Variants in ZP4 observed in about 807,000 individuals in gnomAD.
The protein encoded by ZP4 is zona pellucida glycoprotein 4, also known as zona pellucida sperm-binding protein 4.
ZP4 carries 62 observed loss-of-function variants against 62.3 expected under a neutral mutation model. That is an observed-to-expected ratio of 0.99 (90% CI 0.81 to 1.23). The LOEUF (loss-of-function observed/expected upper bound fraction) is 1.23, where lower values mean the gene tolerates loss of function less well. Ranked by LOEUF, ZP4 falls within the 50% of genes most tolerant of loss-of-function variation. The pLI is 0.00. For missense variants in ZP4, 774 were observed against 656.0 expected, an observed-to-expected ratio of 1.18 and a Z score of -1.97; for synonymous variants, 289 against 247.3, an observed-to-expected ratio of 1.17 and a Z score of -1.58.
chr1:237,884,293 C>T (rs1665043177), intron 10 of ZP4, among the ~76,000 whole-genome samples: 1 of 152,122 alleles, frequency 6.6e-6, no homozygotes, highest in Non-Finnish European at 1.5e-5. Context: ...TGAATCCAAA[C>T]TCAGAGGCTA....
chr1:237,886,295 A>T (rs1168307293), intron 6 of ZP4, among the ~76,000 whole-genome samples: 1 of 152,156 alleles, frequency 6.6e-6, no homozygotes, highest in Non-Finnish European at 1.5e-5. Context: ...ATCGGGGAAT[A>T]GTGAGTAAGG....
intron 10 of ZP4, 100 bp from the exon 11 acceptor site, chr1:237,882,946 G>T: frequency 1.1e-6 from 1 of 939,102 alleles, no homozygotes. Flanking sequence ...TATAAAGCTT[G>T]GTTCTATGCC....
At chr1:237,888,737 A>G (rs546365748) in intron 3 of ZP4, among the ~76,000 whole-genome samples, 4 of 152,184 alleles carry the variant, frequency 2.6e-5, no homozygotes, top group Admixed American at 2.6e-4. Flanking sequence ...TTAGTTTTTT[A>G]AAAACAAGAA....
chr1:237,883,342 T>G (rs1038976556), intron 10 of ZP4, among the ~76,000 whole-genome samples: 2 of 151,734 alleles, frequency 1.3e-5, no homozygotes, highest in Non-Finnish European at 2.9e-5. Flanking sequence ...AGGACACACC[T>G]GCAGGTGGAC....
In ZP4 at chr1:237,883,712, G is replaced by A. The variant is rs1445195303; in HGVS notation, c.1391-866C>T. 2.1e-3 allele frequency among the ~76,000 whole-genome samples: 92 copies of A among 44,856 alleles called. 5 individuals carry two copies. The highest frequency in any genetic ancestry group is 9.2e-3 in the African/African-American group (76 of 8,298). The allele number at this position is 44,856 out of a possible 152,430, so 29.4% of individuals were successfully genotyped here. ...GGGAGGGCGGGGGAGGGCGGGGGAG[G>A]GCGGGGGAGGGCGGGGGAGGGAGAG... On this transcript the variant is annotated intron_variant, in intron 10 of 11. Transcript: ENST00000366570.
chr1:237,889,315 ATTT>A (rs11348205), intron 3 of ZP4, among the ~76,000 whole-genome samples: 9,862 of 125,650 alleles, frequency 0.078, 1,129 homozygotes, highest in African/African-American at 0.27. Flanking sequence ...GATAGGTTGT[ATTT>A]TTTTTTTTTT....
Position 237,886,867 on chromosome 1 carries a change from A to C in ZP4, c.743T>G (p.Ile248Ser). 1 of 1,612,856 alleles carries C rather than the reference A, an allele frequency of 6.2e-7. No individual in the cohort carries two copies. Among genetic ancestry groups the C allele is most frequent in the Non-Finnish European group, 8.5e-7 (1 of 1,179,018 alleles). The change falls in exon 6 of 12, where the codon ATC becomes AGC. Residue 248 changes from isoleucine to serine, a missense_variant and splice_region_variant. Transcript: ENST00000366570. ...TTCATATACTGCTCGGTCTCCAGTG[A>C]TCTACAGGAATAGATGGAGAAGTCT... ...PFTSCGTTRQ[I>S]TGDRAVYENE...
intron 3 of ZP4, among the ~76,000 whole-genome samples, chr1:237,889,510 G>T (rs1478038827): frequency 2.0e-5 from 3 of 151,820 alleles, no homozygotes; most frequent in Non-Finnish European, 1.5e-5. Flanking sequence ...TAGAGATGGG[G>T]TTTCTCCATG....
intron 10 of ZP4, among the ~76,000 whole-genome samples, chr1:237,884,017 A>ACAAACAC (rs1665026966): frequency 4.5e-5 from 4 of 87,946 alleles, no homozygotes; most frequent in African/African-American, 4.8e-5. Flanking sequence ...CACACACACA[A>ACAAACAC]ACACACACAC....
intron 10 of ZP4, among the ~76,000 whole-genome samples, chr1:237,883,541 CCT>C (rs1035541060): frequency 8.5e-4 from 127 of 149,714 alleles, no homozygotes; most frequent in Non-Finnish European, 1.5e-3. Flanking sequence ...GTGGTGAATC[CCT>C]GTCTCTACCA....
intron 3 of ZP4, 44 bp downstream of exon 3, chr1:237,889,823 A>AACC: frequency 9.4e-7 from 1 of 1,064,586 alleles, no homozygotes. Context: ...TTCACACCCC[A>AACC]CCCCCACCAC....
intron 10 of ZP4, among the ~76,000 whole-genome samples, chr1:237,883,810 G>A (rs552724880): frequency 5.6e-4 from 51 of 91,526 alleles, no homozygotes; most frequent in African/African-American, 7.9e-4. Context: ...AGGAAGAGAG[G>A]GAGAAAGGCT....
chr1:237,886,902 C>T (rs1665116832), intron 5 of ZP4, 34 bp from the exon 6 acceptor site: 1 of 1,580,886 alleles, frequency 6.3e-7, no homozygotes, highest in African/African-American at 1.4e-5. Context: ...TTGATCATTT[C>T]TGTTAGTGTT....
At chr1:237,885,923 G>C in intron 6 of ZP4, 37 bp from the exon 7 acceptor site, 3 of 1,612,402 alleles carry the variant, frequency 1.9e-6, no homozygotes, top group Non-Finnish European at 2.5e-6. Context: ...TTGGTTGTGG[G>C]AAGTGGGTGT....
chr1:237,884,014 ACAAACACACACACACACAAACAC>A (rs1665026115), intron 10 of ZP4, among the ~76,000 whole-genome samples: 1 of 78,650 alleles, frequency 1.3e-5, no homozygotes, highest in Non-Finnish European at 2.5e-5. Context: ...ACACACACAC[ACAAACACACACACACACAAACAC>A]ACACAAACAC....
At position 237,890,722 on chromosome 1, in the gene ZP4, A is replaced by G; in HGVS notation, c.-87T>C. The G allele has an allele frequency of 6.9e-7, 1 of 1,454,254 alleles. No individual in the cohort carries two copies. The highest frequency in any genetic ancestry group is 9.2e-7 in the Non-Finnish European group (1 of 1,084,232). 90.1% of individuals were successfully genotyped at this position (1,454,254 alleles called of 1,614,324 possible). A position where few individuals can be genotyped will look rare whatever the true frequency, so the allele number is the denominator to read the frequency against. Reference sequence around the variant, plus strand: ...TCTGCCTGCCCAGATTCCTTTATATACAGAAGTCAGGCTTGTTTTCAGCTG... The same window carrying G: ...TCTGCCTGCCCAGATTCCTTTATATGCAGAAGTCAGGCTTGTTTTCAGCTG... On this transcript the variant is annotated 5_prime_UTR_variant, in exon 1 of 12. Transcript: ENST00000366570.
In ZP4 at chr1:237,883,623, A is replaced by G. The variant is rs867657759; in HGVS notation, c.1391-777T>C. ...CAGCTACTCAGGAGGCTGAGGTGGGAGAGAGGGGGAGGGGGAGGGCGGGGG... is the reference window on the plus strand; with the variant it reads ...CAGCTACTCAGGAGGCTGAGGTGGGGGAGAGGGGGAGGGGGAGGGCGGGGG... On this transcript the variant is annotated intron_variant, in intron 10 of 11. Coordinates refer to ENST00000366570, the MANE Select transcript of ZP4 (RefSeq NM_021186.5). Among the ~76,000 whole-genome samples the G allele has an allele frequency of 6.8e-4, 30 of 44,228 alleles. 3 individuals are homozygous for G. The highest frequency in any genetic ancestry group is 5.4e-3 in the African/African-American group (28 of 5,190). 29.0% of individuals were successfully genotyped at this position (44,228 alleles called of 152,430 possible). A position where few individuals can be genotyped will look rare whatever the true frequency, so the allele number is the denominator to read the frequency against.
In ZP4 at chr1:237,884,757, T is replaced by G; in HGVS notation, c.1390+12A>C. 1 of 1,612,358 alleles carries G rather than the reference T, an allele frequency of 6.2e-7. No homozygotes were observed. ...TCATTCAAATCTGTCCTCTAACAGC[T>G]TGGTTACTCACGACTGAGATCAGGA... On this transcript the variant is annotated intron_variant, in intron 10 of 11. Transcript: ENST00000366570.
At position 237,887,499 on chromosome 1, in the gene ZP4, G is replaced by C; in HGVS notation, c.616C>G (p.Pro206Ala). 1 of 1,614,184 alleles carries C rather than the reference G, an allele frequency of 6.2e-7. No individual in the cohort carries two copies. Among genetic ancestry groups the C allele is most frequent in the Non-Finnish European group, 8.5e-7 (1 of 1,180,034 alleles). Reference sequence around the variant, plus strand: ...CGCACAGAATCCAAGAGCAGTGGTGGCGAGGTCACGTTCCGAGACACAGCA... The same window carrying C: ...CGCACAGAATCCAAGAGCAGTGGTGCCGAGGTCACGTTCCGAGACACAGCA... ...SIAVSRNVTS[P>A]PLLLDSVRLA... The change falls in exon 5 of 12, where the codon CCA becomes GCA. Residue 206 changes from proline to alanine, a missense_variant. Coordinates refer to ENST00000366570, the MANE Select transcript of ZP4 (RefSeq NM_021186.5).
Sources: gnomAD v4.1 joint callset for allele counts (sites outside exome capture counted in the v4.1 genomes callset) on GRCh38, gnomAD v4.1.1 for gene constraint, MANE v1.5 for transcripts, NCBI Gene and HGNC (gene_info 2026-07-23, HGNC 2026-07-21) for gene names.